The following NCF4 variants were observed in gnomAD, a reference collection of about 807,000 sequenced individuals.
The protein encoded by NCF4 is neutrophil cytosolic factor 4.
NCF4 carries 30 observed loss-of-function variants against 41.7 expected under a neutral mutation model. The observed-to-expected ratio is 0.72, with a 90% CI of 0.54 to 0.97. The LOEUF (loss-of-function observed/expected upper bound fraction) is 0.97, where lower values mean the gene tolerates loss of function less well. NCF4 is among the 50% of genes least tolerant of loss of function. NCF4 has a pLI of 0.00. For synonymous variants in NCF4, 195 were observed against 175.8 expected (o/e 1.11, Z -0.87); for missense variants, 432 against 460.9 (o/e 0.94, Z 0.57).
intron 2 of NCF4, 143 bp downstream of exon 2, chr22:36,864,272 G>A (rs538735335): frequency 4.4e-5 from 35 of 794,156 alleles, no homozygotes; most frequent in South Asian, 4.4e-4. Context: ...GACCGATTTT[G>A]CCCATTTGAC....
chr22:36,866,174 T>C (rs894012469), intron 3 of NCF4, among the ~76,000 whole-genome samples: 1 of 152,108 alleles, frequency 6.6e-6, no homozygotes, highest in African/African-American at 2.4e-5. Flanking sequence ...TCTTCTTCCT[T>C]TGGCATCAAA....
At chr22:36,862,154 C>T (rs1172222159) in intron 1 of NCF4, among the ~76,000 whole-genome samples, 1 of 152,210 alleles carries the variant, frequency 6.6e-6, no homozygotes, top group African/African-American at 2.4e-5. Context: ...GGCCCCTGCA[C>T]CCCCTGGATT....
chr22:36,864,817 CTCA>C, intron 2 of NCF4, 99 bp from the exon 3 acceptor site: 1 of 1,436,772 alleles, frequency 7.0e-7, no homozygotes, highest in Non-Finnish European at 9.7e-7. Context: ...CATCCTTATC[CTCA>C]TCATCTTCCT....
intron 4 of NCF4, 117 bp from the exon 5 acceptor site, chr22:36,870,298 C>T (rs1940022131): frequency 7.2e-7 from 1 of 1,394,616 alleles, no homozygotes; most frequent in Admixed American, 1.7e-5. Context: ...TATCAGGCAT[C>T]ATGCATTAGT....
chr22:36,877,137 C>T (rs1940210190), intron 9 of NCF4, among the ~76,000 whole-genome samples: 1 of 151,638 alleles, frequency 6.6e-6, no homozygotes, highest in African/African-American at 2.4e-5. Context: ...GTCTCTTCTC[C>T]TTCTCCTTTT....
At chr22:36,864,838 C>T in intron 2 of NCF4, 81 bp from the exon 3 acceptor site, 1 of 1,552,562 alleles carries the variant, frequency 6.4e-7, no homozygotes, top group South Asian at 1.1e-5. Context: ...CCTCCTCCTC[C>T]TCCTCCCCTT....
chr22:36,872,218 A>T, intron 6 of NCF4, 109 bp from the exon 7 acceptor site: 1 of 935,238 alleles, frequency 1.1e-6, no homozygotes, highest in South Asian at 1.3e-5. Context: ...ATTCTCCCCA[A>T]GCCTCAGTTT....
chr22:36,866,916 G>C (rs1044039279), intron 3 of NCF4, among the ~76,000 whole-genome samples: 3 of 152,114 alleles, frequency 2.0e-5, no homozygotes, highest in Non-Finnish European at 4.4e-5. Context: ...TTGAGAGATG[G>C]AAAGAATCCT....
At chr22:36,870,389 C>G in intron 4 of NCF4, 26 bp from the exon 5 acceptor site, 4 of 1,613,496 alleles carry the variant, frequency 2.5e-6, no homozygotes, top group Non-Finnish European at 3.4e-6. Flanking sequence ...GACTACCCCA[C>G]CGGTTCTGCT....
chr22:36,870,371 T>C, intron 4 of NCF4, 44 bp from the exon 5 acceptor site: 1 of 1,612,782 alleles, frequency 6.2e-7, no homozygotes, highest in Non-Finnish European at 8.5e-7. Flanking sequence ...TGTCCAGATC[T>C]TTCTGCTGAC....
intron 1 of NCF4, 138 bp downstream of exon 1, chr22:36,861,341 A>C: frequency 9.1e-7 from 1 of 1,100,794 alleles, no homozygotes; most frequent in South Asian, 1.4e-5. Flanking sequence ...TCAGAAATGC[A>C]ACCTCTCAGA....
In NCF4 at chr22:36,872,332, A is replaced by G; in HGVS notation, c.534A>G (p.Leu178=). Residue 178 remains leucine, a synonymous_variant, in exon 7 of 10, where the codon CTA becomes CTG. Coordinates refer to ENST00000248899, the MANE Select transcript of NCF4 (RefSeq NM_000631.5). ...TACTGCACGCTTCTCCTCAGGCTCT[A>G]TTTGACTTCACTGGAAACAGCAAAC... ...DRMAAPRAEA[L]FDFTGNSKLE... 3.1e-6 allele frequency: 5 copies of G among 1,605,036 alleles called. No individual in the cohort carries two copies. Among genetic ancestry groups the G allele is most frequent in the Non-Finnish European group, 4.3e-6 (5 of 1,171,660 alleles).
rs1290828321 is a variant in NCF4 at position 36,872,381 on chromosome 22, G to A, written c.583G>A (p.Asp195Asn). ...SKLELNFKAG[D>N]VIFLLSRINK... ...ACTGGAGCTGAATTTCAAAGCTGGA[G>A]ATGTGATCTTCCTCCTCAGTCGGAT... Residue 195 changes from aspartate (D) to asparagine (N), a missense_variant, in exon 7 of 10, where the codon GAT (aspartate) becomes AAT (asparagine). By Grantham distance (23) the Asp-to-Asn change is conservative. Coordinates refer to ENST00000248899, the MANE Select transcript of NCF4 (RefSeq NM_000631.5). The A allele has an allele frequency of 1.9e-6, 3 of 1,613,690 alleles. No homozygotes were observed. The highest frequency in any genetic ancestry group is 2.5e-6 in the Non-Finnish European group (3 of 1,179,642).
intron 1 of NCF4, 94 bp downstream of exon 1, chr22:36,861,297 A>C (rs1939770089): frequency 4.2e-6 from 6 of 1,439,534 alleles, no homozygotes; most frequent in Non-Finnish European, 4.8e-6. Flanking sequence ...CCTGATCAAC[A>C]TGAGAGGCTG....
intron 9 of NCF4, among the ~76,000 whole-genome samples, chr22:36,877,335 C>T (rs1185653827): frequency 6.6e-6 from 1 of 152,104 alleles, no homozygotes; most frequent in Non-Finnish European, 1.5e-5. Flanking sequence ...CAGGGTTTCA[C>T]CATGTTGGCC....
intron 4 of NCF4, among the ~76,000 whole-genome samples, chr22:36,869,245 T>C (rs936255374): frequency 1.3e-5 from 2 of 152,188 alleles, no homozygotes; most frequent in Non-Finnish European, 2.9e-5. Flanking sequence ...AATGATGACA[T>C]CTAACTTTGA....
chr22:36,870,583 TG>T (rs755079543), intron 5 of NCF4, 41 bp downstream of exon 5: 4 of 1,605,214 alleles, frequency 2.5e-6, no homozygotes, highest in Non-Finnish European at 2.5e-6. Flanking sequence ...GCCAGAGCCC[TG>T]GGTCCCTGCT....
At chr22:36,869,916 C>A (rs980252081) in intron 4 of NCF4, among the ~76,000 whole-genome samples, 3 of 152,020 alleles carry the variant, frequency 2.0e-5, no homozygotes, top group East Asian at 3.9e-4. Flanking sequence ...GAGCCCCCCA[C>A]CCCCGCCAAC....
At chr22:36,876,188 T>G in intron 9 of NCF4, 94 bp downstream of exon 9, 1 of 1,250,780 alleles carries the variant, frequency 8.0e-7, no homozygotes, top group Admixed American at 2.8e-5. Flanking sequence ...TGCTGGGGTT[T>G]TGCGTGTACT....
Sources: allele counts gnomAD v4.1 joint callset (sites outside exome capture counted in the v4.1 genomes callset), GRCh38; gene constraint gnomAD v4.1.1; transcripts MANE v1.5; gene names NCBI Gene and HGNC (gene_info 2026-07-23, HGNC 2026-07-21).